Variants in CFAP299 observed in about 807,000 individuals in gnomAD.
CFAP299 encodes cilia and flagella associated protein 299.
A neutral mutation model predicts 27.0 loss-of-function variants in CFAP299; 21 were observed. The ratio of observed to expected loss-of-function variants is 0.78; its 90% CI spans 0.55 to 1.12. CFAP299 has a LOEUF of 1.12. Among genes scored for constraint, CFAP299 ranks in the 50% most tolerant of loss-of-function variants. The probability of loss-of-function intolerance (pLI) is 0.00; values close to 1 mark genes in which losing one functional copy is unlikely to be tolerated. For synonymous variants in CFAP299, 104 were observed against 98.1 expected, an observed-to-expected ratio of 1.06 and a Z score of -0.36; for missense variants, 310 against 276.6, an observed-to-expected ratio of 1.12 and a Z score of -0.86.
intron 3 of CFAP299, among the ~76,000 whole-genome samples, chr4:80,768,763 G>A (rs903980531): frequency 1.3e-5 from 2 of 152,042 alleles, no homozygotes; most frequent in South Asian, 2.1e-4. Flanking sequence ...TGTAATAGGC[G>A]ATTGGCAAAT....
In CFAP299 at chr4:80,377,972, G is replaced by T. The variant is rs115640196; in HGVS notation, c.242+15088G>T. Reference sequence around the variant, plus strand: ...GTGGAAACCCCTGATAAACCCAACAGATCTGATGAGACTTATTCACTATCA... The same window carrying T: ...GTGGAAACCCCTGATAAACCCAACATATCTGATGAGACTTATTCACTATCA... On this transcript the variant is annotated intron_variant, in intron 2 of 5. Coordinates refer to ENST00000358105, the MANE Select transcript of CFAP299 (RefSeq NM_152770.3). Among the ~76,000 whole-genome samples, 1,084 of 152,230 alleles carry T rather than the reference G, an allele frequency of 7.1e-3. 11 individuals are homozygous for T. The highest frequency in any genetic ancestry group is 0.025 in the African/African-American group (1,036 of 41,542).
At chr4:80,540,032 C>T (rs368283452) in intron 2 of CFAP299, among the ~76,000 whole-genome samples, 1 of 125,110 alleles carries the variant, frequency 8.0e-6, no homozygotes, top group Non-Finnish European at 1.6e-5. Flanking sequence ...GTAAAAGCTG[C>T]GCTGTCTTAG....
At chr4:80,757,882 ACTGG>A (rs1453177253) in intron 3 of CFAP299, among the ~76,000 whole-genome samples, 1 of 151,986 alleles carries the variant, frequency 6.6e-6, no homozygotes, top group East Asian at 1.9e-4. Context: ...AACTCCACTC[ACTGG>A]AACCTGCTGT....
intron 3 of CFAP299, among the ~76,000 whole-genome samples, chr4:80,588,060 A>C (rs1449020387): frequency 2.0e-5 from 3 of 151,236 alleles, no homozygotes; most frequent in Non-Finnish European, 4.4e-5. Context: ...TTTCAGTTGA[A>C]ATCTAGTCTT....
intron 2 of CFAP299, among the ~76,000 whole-genome samples, chr4:80,438,340 G>A (rs951441157): frequency 2.6e-5 from 4 of 152,134 alleles, no homozygotes; most frequent in Non-Finnish European, 5.9e-5. Context: ...TTTCCAGGGG[G>A]CCTAATGTGT....
At chr4:80,468,761 G>A (rs897396869) in intron 2 of CFAP299, among the ~76,000 whole-genome samples, 1 of 150,380 alleles carries the variant, frequency 6.6e-6, no homozygotes, top group African/African-American at 2.4e-5. Context: ...CTTGAACCCA[G>A]GAGGCAGAGG....
intron 3 of CFAP299, among the ~76,000 whole-genome samples, chr4:80,628,049 A>G (rs909518547): frequency 6.6e-6 from 1 of 152,132 alleles, no homozygotes; most frequent in Non-Finnish European, 1.5e-5. Flanking sequence ...CAAGAAGAAG[A>G]AAGCTAAAGA....
At position 80,673,204 on chromosome 4, in the gene CFAP299, A is replaced by G. The variant is rs1414401924; in HGVS notation, c.333+90021A>G. Among the ~76,000 whole-genome samples, 12 of 152,210 alleles carry G rather than the reference A, an allele frequency of 7.9e-5. No individual in the cohort carries two copies. In the East Asian group the frequency reaches 1.9e-3, roughly 24 times the overall value. ...AAATGTGTCCCAGAGATTCTGGTAC[A>G]GTGTGTCTTTGTTCTCATTGGTTTC... On this transcript the variant is annotated intron_variant, in intron 3 of 5. Transcript: ENST00000358105.
At chr4:80,546,478 T>C (rs1024644413) in intron 2 of CFAP299, among the ~76,000 whole-genome samples, 1 of 152,124 alleles carries the variant, frequency 6.6e-6, no homozygotes, top group Non-Finnish European at 1.5e-5. Flanking sequence ...AAAGAAGAGA[T>C]GACACAAATG....
chr4:80,470,820 G>T (rs116588933), intron 2 of CFAP299, among the ~76,000 whole-genome samples: 2 of 152,140 alleles, frequency 1.3e-5, no homozygotes, highest in African/African-American at 4.8e-5. Flanking sequence ...TAGGGTAGGG[G>T]TGAGATATGT....
intron 4 of CFAP299, among the ~76,000 whole-genome samples, chr4:80,887,441 C>T (rs1734027302): frequency 6.9e-6 from 1 of 144,608 alleles, no homozygotes; most frequent in Non-Finnish European, 1.5e-5. Flanking sequence ...ATTTAAAGTG[C>T]TGAAAGAAAA....
At chr4:80,398,911 G>A (rs776258477) in intron 2 of CFAP299, among the ~76,000 whole-genome samples, 2 of 151,818 alleles carry the variant, frequency 1.3e-5, no homozygotes, top group Admixed American at 6.6e-5. Context: ...GCAACCTACC[G>A]AATGGGAGAA....
At chr4:80,776,659 G>T (rs1422427515) in intron 3 of CFAP299, among the ~76,000 whole-genome samples, 1 of 151,870 alleles carries the variant, frequency 6.6e-6, no homozygotes, top group Non-Finnish European at 1.5e-5. Context: ...CCTAGATGAT[G>T]GGTTGATAGG....
chr4:80,692,781 T>C (rs576923165), intron 3 of CFAP299, among the ~76,000 whole-genome samples: 4 of 152,000 alleles, frequency 2.6e-5, no homozygotes, highest in Admixed American at 1.3e-4. Flanking sequence ...GGGAGAAAAT[T>C]TTCGCAACCT....
At chr4:80,444,146 C>T (rs528999005) in intron 2 of CFAP299, among the ~76,000 whole-genome samples, 3 of 152,230 alleles carry the variant, frequency 2.0e-5, no homozygotes, top group African/African-American at 7.2e-5. Flanking sequence ...GTCAAACTAC[C>T]ATTGAGTTTC....
intron 3 of CFAP299, among the ~76,000 whole-genome samples, chr4:80,846,283 G>C (rs1318555686): frequency 6.6e-6 from 1 of 152,192 alleles, no homozygotes; most frequent in East Asian, 1.9e-4. Flanking sequence ...AAGATGGTCA[G>C]ATGGTAAAGG....
chr4:80,795,481 A>G (rs747589342), intron 3 of CFAP299, among the ~76,000 whole-genome samples: 3 of 152,032 alleles, frequency 2.0e-5, no homozygotes, highest in African/African-American at 7.3e-5. Flanking sequence ...GTGCAGAACC[A>G]TCTGTGAACC....
chr4:80,691,004 A>C (rs199635055), intron 3 of CFAP299, among the ~76,000 whole-genome samples: 10,515 of 145,264 alleles, frequency 0.072, 619 homozygotes, highest in East Asian at 0.22. Flanking sequence ...AAGAAGTTGA[A>C]TCTCTGAATA....
At chr4:80,961,808 C>T (rs1207547329) in intron 5 of CFAP299, among the ~76,000 whole-genome samples, 2 of 151,696 alleles carry the variant, frequency 1.3e-5, no homozygotes, top group African/African-American at 4.8e-5. Flanking sequence ...AAATAACAAC[C>T]AATAAAAATA....
Sources: gnomAD v4.1 joint callset for allele counts (sites outside exome capture counted in the v4.1 genomes callset) on GRCh38, gnomAD v4.1.1 for gene constraint, MANE v1.5 for transcripts, NCBI Gene and HGNC (gene_info 2026-07-23, HGNC 2026-07-21) for gene names.